Variants in PCDHA9 observed in about 807,000 individuals in gnomAD.
PCDHA9 encodes the protein protocadherin alpha 9, also known as protocadherin alpha-9.
PCDHA9 carries 62 observed loss-of-function variants against 62.0 expected under a neutral mutation model. The ratio of observed to expected loss-of-function variants is 1.00; its 90% confidence interval spans 0.81 to 1.23. The LOEUF (loss-of-function observed/expected upper bound fraction) is 1.23, where lower values mean the gene tolerates loss of function less well. Among genes scored for constraint, PCDHA9 ranks in the 50% most tolerant of loss-of-function variants. PCDHA9 has a pLI of 0.00. For synonymous variants in PCDHA9, 557 were observed against 567.6 expected (o/e 0.98, Z 0.27); for missense variants, 1,205 against 1,249.8 (o/e 0.96, Z 0.54).
intron 1 of PCDHA9, chr5:140,858,539 T>G: frequency 7.1e-7 from 1 of 1,399,640 alleles, no homozygotes; most frequent in Admixed American, 2.0e-5. Context: ...TTTGTCTACA[T>G]TCCATTTATG....
intron 1 of PCDHA9, chr5:140,851,113 A>C: frequency 1.5e-6 from 2 of 1,303,480 alleles, no homozygotes; most frequent in East Asian, 5.4e-5. Context: ...GTGCTGAATC[A>C]ATTTTATTTA....
At chr5:140,926,573 A>C in intron 1 of PCDHA9, 2 of 265,974 alleles carry the variant, frequency 7.5e-6, no homozygotes. Context: ...TACTGGAGAC[A>C]GCACCTCTCG....
chr5:140,962,248 A>G (rs782618740), intron 1 of PCDHA9, among the ~76,000 whole-genome samples: 5 of 152,182 alleles, frequency 3.3e-5, no homozygotes, highest in Non-Finnish European at 5.9e-5. Context: ...ATTTTCTTCA[A>G]TGAAAAATAA....
rs1229103510 is a variant in PCDHA9, at chr5:140,850,051, C to T, written c.1556C>T (p.Ala519Val). The T allele has an allele frequency of 6.3e-6, 10 of 1,596,302 alleles. 1 individual carries two copies. The highest frequency in any genetic ancestry group is 7.7e-6 in the Non-Finnish European group (9 of 1,167,790). Reference sequence around the variant, plus strand: ...CACGCGGAGAGCGGCAAGGTGTACGCGCTGCAGCCGTTGGACCACGAGGAG... The same window carrying T: ...CACGCGGAGAGCGGCAAGGTGTACGTGCTGCAGCCGTTGGACCACGAGGAG... ...SVHAESGKVY[A>V]LQPLDHEELE... Residue 519 changes from alanine to valine, a missense_variant, in exon 1 of 4, where the codon GCG becomes GTG. By Grantham distance (64) the Ala-to-Val change is moderately conservative. Around this residue, in one of 3 missense-constraint regions of PCDHA9, gnomAD observed 887 missense variants for 809.5 expected, o/e 1.10. Coordinates refer to ENST00000532602, the MANE Select transcript of PCDHA9 (RefSeq NM_031857.2).
intron 1 of PCDHA9, chr5:140,861,505 A>G: frequency 2.1e-6 from 1 of 482,692 alleles, no homozygotes; most frequent in African/African-American, 2.0e-5. Flanking sequence ...ATAGACCTCG[A>G]GGAGCTGTGT....
intron 1 of PCDHA9, chr5:140,929,372 G>A: frequency 1.3e-6 from 2 of 1,514,740 alleles, no homozygotes; most frequent in Non-Finnish European, 1.8e-6. Context: ...GGAGATGGCT[G>A]CTAGCTGTGT....
At chr5:140,979,826 G>A (rs1338756237) in intron 2 of PCDHA9, among the ~76,000 whole-genome samples, 1 of 152,184 alleles carries the variant, frequency 6.6e-6, no homozygotes, top group East Asian at 1.9e-4. Context: ...TAATTTTAAA[G>A]AAGAAATAAT....
chr5:140,967,529 C>A, intron 1 of PCDHA9: 1 of 1,613,244 alleles, frequency 6.2e-7, no homozygotes, highest in South Asian at 1.1e-5. Context: ...CGACAACTCT[C>A]CTGCCTTTGA....
At chr5:140,937,890 C>G (rs1209951664) in intron 1 of PCDHA9, among the ~76,000 whole-genome samples, 1 of 145,964 alleles carries the variant, frequency 6.9e-6, no homozygotes, top group Non-Finnish European at 1.5e-5. Flanking sequence ...CCAGCCTGGG[C>G]GACAGAGTGA....
Position 140,917,330 on chromosome 5 carries a change from A to AG in PCDHA9, c.2395-61611dup, listed in dbSNP as rs1425400137. Among the ~76,000 whole-genome samples the AG allele has an allele frequency of 2.5e-4, 26 of 103,228 alleles. 2 individuals carry two copies. The highest frequency in any genetic ancestry group is 3.2e-4 in the East Asian group (1 of 3,132). The allele number at this position is 103,228 out of a possible 152,430, so 67.7% of individuals were successfully genotyped here. On this transcript the variant is annotated intron_variant, in intron 1 of 3. Coordinates refer to ENST00000532602, the MANE Select transcript of PCDHA9 (RefSeq NM_031857.2). Reference sequence around the variant, plus strand: ...CAATTTGGTGTTCATGTGGCGGGGGAGGGGGGGGATGGTGTAGGCTTCTGT... The same window carrying AG: ...CAATTTGGTGTTCATGTGGCGGGGGAGGGGGGGGGATGGTGTAGGCTTCTGT...
chr5:140,988,871 A>T (rs1319139244), intron 3 of PCDHA9: 1 of 152,208 alleles, frequency 6.6e-6, no homozygotes, highest in Non-Finnish European at 1.5e-5. Context: ...GTGCACTCAG[A>T]TGTACGATCC....
At chr5:140,865,269 T>C (rs2048801874) in intron 1 of PCDHA9, 1 of 152,262 alleles carries the variant, frequency 6.6e-6, no homozygotes. Flanking sequence ...TATCAAATTA[T>C]ATGTAAAATT....
intron 1 of PCDHA9, chr5:140,869,054 T>C: frequency 6.5e-7 from 1 of 1,545,104 alleles, no homozygotes; most frequent in African/African-American, 1.4e-5. Context: ...CTGAAGAATC[T>C]GGTACTGTAA....
intron 1 of PCDHA9, chr5:140,875,638 C>G (rs2055668574): frequency 6.2e-7 from 1 of 1,613,532 alleles, no homozygotes; most frequent in Non-Finnish European, 8.5e-7. Context: ...GGGGCTGGAG[C>G]TGGCGGAGCT....
chr5:140,973,666 A>G (rs531003588), intron 1 of PCDHA9, among the ~76,000 whole-genome samples: 8 of 152,322 alleles, frequency 5.3e-5, no homozygotes, highest in African/African-American at 1.9e-4. Flanking sequence ...TATTTATTGT[A>G]GCTTGAATGT....
chr5:140,928,940 AT>A (rs573936635), intron 1 of PCDHA9: 94 of 1,614,062 alleles, frequency 5.8e-5, no homozygotes, highest in Non-Finnish European at 7.9e-5. Flanking sequence ...CAGAACTTGT[AT>A]TTAGTAATTG....
chr5:140,971,718 G>A (rs1554233569), intron 1 of PCDHA9, among the ~76,000 whole-genome samples: 3 of 151,796 alleles, frequency 2.0e-5, no homozygotes, highest in Non-Finnish European at 2.9e-5. Flanking sequence ...ATAGATATAT[G>A]TATATCATAC....
intron 1 of PCDHA9, among the ~76,000 whole-genome samples, chr5:140,941,551 G>A (rs1247023682): frequency 4.0e-5 from 6 of 151,616 alleles, no homozygotes; most frequent in Non-Finnish European, 8.8e-5. Flanking sequence ...TCCTGACCTC[G>A]TGATCCATTC....
rs149837711 is a variant in PCDHA9 at position 140,940,786 on chromosome 5, G to A, written c.2395-38163G>A. Reference sequence around the variant, plus strand: ...TTTGACTTTTGATGGTCCATATCCTGAAAATGATATTTGCCAGGATATCCT... The same window carrying A: ...TTTGACTTTTGATGGTCCATATCCTAAAAATGATATTTGCCAGGATATCCT... On this transcript the variant is annotated intron_variant, in intron 1 of 3. Coordinates refer to ENST00000532602, the MANE Select transcript of PCDHA9 (RefSeq NM_031857.2). 1.1e-4 allele frequency among the ~76,000 whole-genome samples: 17 copies of A among 152,224 alleles called. 1 individual carries two copies. The East Asian group carries it at 2.9e-3, about 26-fold the overall frequency.
Sources: allele counts gnomAD v4.1 joint callset (sites outside exome capture counted in the v4.1 genomes callset), GRCh38; gene constraint gnomAD v4.1.1; regional missense constraint gnomAD v4.1.1; transcripts MANE v1.5; gene names NCBI Gene and HGNC (gene_info 2026-07-23, HGNC 2026-07-21).